The following ZNF333 variants were observed in gnomAD, a reference collection of about 807,000 sequenced individuals.
ZNF333 encodes zinc finger protein 333.
In ZNF333, 61 loss-of-function variants were observed where a neutral mutation model predicts 76.1. That is an observed-to-expected ratio of 0.80 (90% confidence interval 0.65 to 0.99). ZNF333 has a LOEUF of 0.99. ZNF333 is among the 50% of genes least tolerant of loss of function. The pLI, the probability that ZNF333 is intolerant of heterozygous loss-of-function variation, is 0.00. For missense variants in ZNF333, 717 were observed against 822.4 expected (o/e 0.87, Z 1.57); for synonymous variants, 284 against 305.0 (o/e 0.93, Z 0.72).
At chr19:14,708,548 C>T in intron 7 of ZNF333, 2 of 386,364 alleles carry the variant, frequency 5.2e-6, no homozygotes, top group Non-Finnish European at 9.2e-6. Context: ...CAGGGTTTCT[C>T]AACTGCAGCA....
At chr19:14,714,650 AAGTG>A (rs1396121306) in intron 7 of ZNF333, 1 of 152,474 alleles carries the variant, frequency 6.6e-6, no homozygotes, top group Non-Finnish European at 1.5e-5. Flanking sequence ...GGTTTAAAAA[AAGTG>A]AGGGGAAAGG....
intron 1 of ZNF333, among the ~76,000 whole-genome samples, chr19:14,693,147 G>A (rs910965063): frequency 2.0e-5 from 3 of 152,160 alleles, no homozygotes; most frequent in African/African-American, 7.2e-5. Context: ...AGAGAGAGAG[G>A]CCAAAATCGT....
rs141177833 is a variant in ZNF333 at position 14,704,046 on chromosome 19, G to A, written c.307-1008G>A. On this transcript the variant is annotated intron_variant, in intron 5 of 11. Coordinates refer to ENST00000292530, the MANE Select transcript of ZNF333 (RefSeq NM_032433.4). The stretch of plus-strand genomic sequence containing the variant: ...GGCGGCAGGGCTGGGTTCTCCTGAG[G>A]ACTCTCTCCTTGGCTTGCAGGTGGC... 7.3e-4 allele frequency among the ~76,000 whole-genome samples: 111 copies of A among 152,288 alleles called. 2 individuals are homozygous for A. The East Asian group carries it at 0.02, about 27-fold the overall frequency.
Position 14,716,239 on chromosome 19 carries a change from G to T in ZNF333, c.727+1G>T. 6.2e-7 allele frequency: 1 copy of T among 1,600,680 alleles called. No homozygotes were observed. Among genetic ancestry groups the T allele is most frequent in the Non-Finnish European group, 8.5e-7 (1 of 1,176,266 alleles). Reference sequence around the variant, plus strand: ...AACTACAGGAACCTGGCCTCTGTGGGTAAGGCAGCTTCATCTTTTCTTTCC... The same window carrying T: ...AACTACAGGAACCTGGCCTCTGTGGTTAAGGCAGCTTCATCTTTTCTTTCC... On this transcript the variant is annotated splice_donor_variant, in intron 9 of 11. Transcript: ENST00000292530. LOFTEE classifies it high-confidence loss of function.
At chr19:14,698,598 G>A (rs1288689908) in intron 4 of ZNF333, among the ~76,000 whole-genome samples, 1 of 151,442 alleles carries the variant, frequency 6.6e-6, no homozygotes, top group Non-Finnish European at 1.5e-5. Flanking sequence ...CCAGCACTTT[G>A]GGAGGCTGAG....
chr19:14,720,134 C>A lies in ZNF333; in HGVS notation c.*809C>A. ...CCAGGAGGCAGAGGTTGCAGTGAGC[C>A]GAGATTGCGCCACTGCACTCCAGCC... On this transcript the variant is annotated 3_prime_UTR_variant, in exon 12 of 12. Coordinates refer to ENST00000292530, the MANE Select transcript of ZNF333 (RefSeq NM_032433.4). 5 of 926,102 alleles carry A rather than the reference C, an allele frequency of 5.4e-6. No homozygotes were observed. Among genetic ancestry groups the A allele is most frequent in the Non-Finnish European group, 6.4e-6 (5 of 776,248 alleles). The allele number at this position is 926,102 out of a possible 1,614,324, so 57.4% of individuals were successfully genotyped here. A position where few individuals can be genotyped will look rare whatever the true frequency, so the allele number is the denominator to read the frequency against.
At chr19:14,703,834 G>A (rs965648642) in intron 5 of ZNF333, among the ~76,000 whole-genome samples, 23 of 152,180 alleles carry the variant, frequency 1.5e-4, no homozygotes, top group Non-Finnish European at 1.3e-4. Flanking sequence ...TGTGGGTCAC[G>A]GGATTTGGAG....
chr19:14,726,950 AT>A (rs2042636228), intron 11 of ZNF333, among the ~76,000 whole-genome samples: 1 of 149,668 alleles, frequency 6.7e-6, no homozygotes, highest in South Asian at 2.1e-4. Flanking sequence ...ATTTTCAGAA[AT>A]TTTCTGTATT....
At chr19:14,692,900 G>A (rs994045305) in intron 1 of ZNF333, among the ~76,000 whole-genome samples, 7 of 149,730 alleles carry the variant, frequency 4.7e-5, no homozygotes, top group African/African-American at 1.7e-4. Context: ...TCAGTTCACT[G>A]TAACCTCCGC....
At position 14,716,235 on chromosome 19, in the gene ZNF333, G is replaced by C; in HGVS notation, c.724G>C (p.Val242Leu). 4.3e-6 allele frequency: 7 copies of C among 1,609,358 alleles called. No individual in the cohort carries two copies. The highest frequency in any genetic ancestry group is 5.1e-6 in the Non-Finnish European group (6 of 1,178,558). The part of the protein sequence containing the change: ...MLENYRNLAS[V>L]ADQLCKPNAL... ...GGAGAACTACAGGAACCTGGCCTCT[G>C]TGGGTAAGGCAGCTTCATCTTTTCT... Residue 242 changes from valine to leucine, a missense_variant, in exon 9 of 12, where the codon GTG (valine) becomes CTG (leucine). Coordinates refer to ENST00000292530, the MANE Select transcript of ZNF333 (RefSeq NM_032433.4).
chr19:14,731,110 CCCCTTTATTCATT>C (rs2042667626), intron 11 of ZNF333: 1 of 1,391,534 alleles, frequency 7.2e-7, no homozygotes, highest in African/African-American at 1.4e-5. Flanking sequence ...CAAGGATTGG[CCCCTTTATTCATT>C]CAATTTCTCT....
rs140911053 is a variant in ZNF333 at position 14,729,911 on chromosome 19, C to G, written c.901-1264C>G. 1.4e-3 allele frequency among the ~76,000 whole-genome samples: 210 copies of G among 152,140 alleles called. 1 individual carries two copies. Among genetic ancestry groups the G allele is most frequent in the African/African-American group, 4.8e-3 (201 of 41,512 alleles). ...AATTTTATCTGTCCAAAGAAAAATG[C>G]CAGTGGGATCCCTGCTAGTTGTATA... On this transcript the variant is annotated intron_variant, in intron 11 of 11. Transcript: ENST00000540689.
chr19:14,706,525 A>C (rs2042114707), intron 6 of ZNF333, 161 bp from the exon 7 acceptor site: 1 of 672,484 alleles, frequency 1.5e-6, no homozygotes, highest in Non-Finnish European at 2.6e-6. Flanking sequence ...TTTGTATTTA[A>C]GGATTGGGTA....
chr19:14,729,973 TGAGA>T (rs773346815), intron 11 of ZNF333, among the ~76,000 whole-genome samples: 34 of 152,284 alleles, frequency 2.2e-4, no homozygotes, highest in South Asian at 1.7e-3. Flanking sequence ...TTTGTTGTCT[TGAGA>T]GAAAGATTTT....
At chr19:14,706,430 C>T (rs1170079205) in intron 6 of ZNF333, 2 of 492,482 alleles carry the variant, frequency 4.1e-6, no homozygotes, top group African/African-American at 2.0e-5. Context: ...TCCCTGACTT[C>T]TGGAGCCTCC....
At chr19:14,702,015 TTAGG>T (rs1399968397) in intron 5 of ZNF333, 1 of 571,948 alleles carries the variant, frequency 1.7e-6, no homozygotes, top group East Asian at 1.4e-4. Flanking sequence ...TGCTGACCCT[TTAGG>T]TAGCCCTTCC....
chr19:14,697,762 G>A lies in ZNF333; in HGVS notation c.224-1437G>A, dbSNP rs1156959186. The stretch of plus-strand genomic sequence containing the variant: ...GGTAATGCTATGCTTAACTTCTTGA[G>A]CAACTGTCGTACCACTTTCCAACAC... On this transcript the variant is annotated intron_variant, in intron 4 of 11. Coordinates refer to ENST00000292530, the MANE Select transcript of ZNF333 (RefSeq NM_032433.4). Among the ~76,000 whole-genome samples, 6 of 152,174 alleles carry A rather than the reference G, an allele frequency of 3.9e-5. No individual in the cohort carries two copies. In the South Asian group the frequency reaches 1.0e-3, roughly 26 times the overall value.
At chr19:14,711,059 T>C (rs2042261152) in intron 7 of ZNF333, among the ~76,000 whole-genome samples, 1 of 152,070 alleles carries the variant, frequency 6.6e-6, no homozygotes, top group Non-Finnish European at 1.5e-5. Flanking sequence ...GAGTACTCCT[T>C]CTCTCTGAGG....
At chr19:14,702,104 A>G (rs943873605) in intron 5 of ZNF333, among the ~76,000 whole-genome samples, 9 of 152,204 alleles carry the variant, frequency 5.9e-5, no homozygotes, top group Admixed American at 5.9e-4. Flanking sequence ...CCTCCCTGTC[A>G]CATGGGAAAA....
Sources: allele counts gnomAD v4.1 joint callset (sites outside exome capture counted in the v4.1 genomes callset), GRCh38; gene constraint gnomAD v4.1.1; transcripts MANE v1.5; gene names NCBI Gene and HGNC (gene_info 2026-07-23, HGNC 2026-07-21).